Variants in RABGEF1 observed in about 807,000 individuals in gnomAD.
RABGEF1 encodes rab5 GDP/GTP exchange factor.
Under a neutral mutation model 57.3 loss-of-function variants are expected in RABGEF1, and 26 were observed. The ratio of observed to expected loss-of-function variants is 0.45; its 90% CI spans 0.33 to 0.63. RABGEF1 has a LOEUF of 0.63. Among genes scored for constraint, RABGEF1 ranks in the 20% least tolerant of loss-of-function variants. RABGEF1 has a pLI of 0.02. For missense variants in RABGEF1, 464 were observed against 607.6 expected, an observed-to-expected ratio of 0.76 and a Z score of 2.48; for synonymous variants, 185 against 210.7, an observed-to-expected ratio of 0.88 and a Z score of 1.06.
At chr7:66,799,519 A>AC in intron 7 of RABGEF1, 105 bp downstream of exon 7, 1 of 911,084 alleles carries the variant, frequency 1.1e-6, no homozygotes, top group Non-Finnish European at 1.7e-6. Context: ...TGTCGAAGGT[A>AC]CATTGGAATG....
intron 1 of RABGEF1, among the ~76,000 whole-genome samples, chr7:66,703,084 C>T (rs561587243): frequency 2.0e-5 from 3 of 152,206 alleles, no homozygotes; most frequent in Non-Finnish European, 2.9e-5. Flanking sequence ...CTCCATTCTC[C>T]TGCCTCAGCC....
chr7:66,724,134 T>G (rs1363256174), intron 2 of RABGEF1, among the ~76,000 whole-genome samples: 1 of 152,122 alleles, frequency 6.6e-6, no homozygotes, highest in Non-Finnish European at 1.5e-5. Context: ...TAAAGAATTA[T>G]AGGTTAACAG....
chr7:66,730,175 A>G (rs1797137264), intron 2 of RABGEF1, among the ~76,000 whole-genome samples: 1 of 152,192 alleles, frequency 6.6e-6, no homozygotes, highest in Non-Finnish European at 1.5e-5. Context: ...GGTGCAAGGC[A>G]TGTCCACAGG....
In RABGEF1 at chr7:66,751,359, A is replaced by G. The variant is rs1293424956; in HGVS notation, c.-18+10567A>G. Among the ~76,000 whole-genome samples the G allele has an allele frequency of 2.6e-5, 4 of 152,124 alleles. No individual in the cohort carries two copies. The East Asian group carries it at 7.7e-4, about 29-fold the overall frequency. The stretch of plus-strand genomic sequence containing the variant: ...CCTCTTTTTTTCTGTTTTTAAAAAC[A>G]TACCATTAAATAAGTCTTTCTGGTA... On this transcript the variant is annotated intron_variant, in intron 1 of 8. Coordinates refer to ENST00000284957, the MANE Select transcript of RABGEF1 (RefSeq NM_014504.3).
chr7:66,743,572 G>C (rs996184126), intron 1 of RABGEF1, among the ~76,000 whole-genome samples: 2 of 151,992 alleles, frequency 1.3e-5, no homozygotes, highest in African/African-American at 4.8e-5. Context: ...CGCGATCTCG[G>C]CTCACTGCAA....
At chr7:66,710,513 A>G (rs1193008969) in intron 1 of RABGEF1, among the ~76,000 whole-genome samples, 2 of 152,238 alleles carry the variant, frequency 1.3e-5, no homozygotes, top group East Asian at 3.8e-4. Context: ...ATTGTATGAG[A>G]GTTCCAGTCA....
the RABGEF1 span, among the ~76,000 whole-genome samples, chr7:66,669,466 G>GGGGA: frequency 6.6e-6 from 1 of 152,168 alleles, no homozygotes. Context: ...CTGTGGGATG[G>GGGGA]GTGGCAGGGA....
chr7:66,740,274 C>T (rs1384770720), upstream of RABGEF1: 1 of 152,342 alleles, frequency 6.6e-6, no homozygotes, highest in Non-Finnish European at 1.5e-5. Context: ...GCCTTAAGAC[C>T]TTTTAACTCG....
upstream of RABGEF1, among the ~76,000 whole-genome samples, chr7:66,737,067 A>AGAGT (rs1554311465): frequency 1.1e-4 from 9 of 85,628 alleles, no homozygotes; most frequent in East Asian, 5.3e-4. Context: ...AGAGAGAGAG[A>AGAGT]GAGAGTGAGA....
chr7:66,659,417 G>A, the RABGEF1 span, among the ~76,000 whole-genome samples: 114,962 of 150,474 alleles, frequency 0.76, 44,055 homozygotes, highest in African/African-American at 0.82. Flanking sequence ...GCGCCACTGC[G>A]CTCCAGCCTG....
At chr7:66,668,140 C>G in the RABGEF1 span, among the ~76,000 whole-genome samples, 1 of 152,174 alleles carries the variant, frequency 6.6e-6, no homozygotes, top group South Asian at 2.1e-4. Flanking sequence ...CTCTGTCACC[C>G]AAGCTGGAGT....
chr7:66,660,630 C>T, the RABGEF1 span, among the ~76,000 whole-genome samples: 2 of 151,804 alleles, frequency 1.3e-5, no homozygotes, highest in Non-Finnish European at 2.9e-5. Context: ...CGAGACTTCT[C>T]AAAAAAATAG....
intron 1 of RABGEF1, among the ~76,000 whole-genome samples, chr7:66,702,343 TTGTTTGTG>T (rs1562712668): frequency 7.9e-6 from 1 of 127,284 alleles, no homozygotes; most frequent in Non-Finnish European, 1.7e-5. Flanking sequence ...GGCTATTGTT[TTGTTTGTG>T]TGTGTGTGTG....
At chr7:66,758,496 T>C (rs1439618268) in intron 1 of RABGEF1, among the ~76,000 whole-genome samples, 3 of 152,216 alleles carry the variant, frequency 2.0e-5, no homozygotes, top group African/African-American at 7.2e-5. Context: ...AATGCAGTGC[T>C]CCAACAGGAG....
chr7:66,662,283 A>G, the RABGEF1 span, among the ~76,000 whole-genome samples: 5 of 152,038 alleles, frequency 3.3e-5, 1 homozygote, highest in South Asian at 1.0e-3. Flanking sequence ...CCTGTGCAAC[A>G]TAGCGAAACC....
chr7:66,800,543 T>C (rs965244259), intron 7 of RABGEF1, among the ~76,000 whole-genome samples: 6 of 152,222 alleles, frequency 3.9e-5, no homozygotes, highest in African/African-American at 1.4e-4. Flanking sequence ...TTGCAAGCTT[T>C]TCTGCTAGGC....
Position 66,754,147 on chromosome 7 carries a change from G to A in RABGEF1, c.-18+13355G>A, listed in dbSNP as rs371673239. 7.2e-4 allele frequency among the ~76,000 whole-genome samples: 104 copies of A among 145,426 alleles called. 1 individual carries two copies. Among genetic ancestry groups the A allele is most frequent in the African/African-American group, 2.1e-3 (85 of 40,590 alleles). ...CTCCCGCGTAGCTGGGACTACAGGC[G>A]CCCTCCAACACGCCTGGCTAATTTT... On this transcript the variant is annotated intron_variant, in intron 1 of 8. Coordinates refer to ENST00000284957, the MANE Select transcript of RABGEF1 (RefSeq NM_014504.3).
intron 1 of RABGEF1, among the ~76,000 whole-genome samples, chr7:66,683,928 A>G (rs562084462): frequency 7.9e-5 from 12 of 152,124 alleles, no homozygotes; most frequent in African/African-American, 2.9e-4. Flanking sequence ...TTTTGTAAAG[A>G]TGTTGTCTTG....
chr7:66,729,384 TCTCA>T (rs1797039805), intron 2 of RABGEF1, among the ~76,000 whole-genome samples: 1 of 149,580 alleles, frequency 6.7e-6, no homozygotes, highest in African/African-American at 2.5e-5. Flanking sequence ...CTCACTCTCT[TCTCA>T]CTCACTGTCC....
Sources: allele counts gnomAD v4.1 joint callset (sites outside exome capture counted in the v4.1 genomes callset), GRCh38; gene constraint gnomAD v4.1.1; transcripts MANE v1.5; gene names NCBI Gene and HGNC (gene_info 2026-07-23, HGNC 2026-07-21).